CSMD1: variants seen among roughly 807,000 people sequenced by gnomAD.
CSMD1 encodes CUB and sushi domain-containing protein 1.
Under a neutral mutation model 417.5 loss-of-function variants are expected in CSMD1, and 213 were observed. The ratio of observed to expected loss-of-function variants is 0.51; its 90% CI spans 0.46 to 0.57. The LOEUF (loss-of-function observed/expected upper bound fraction) is 0.57, where lower values mean the gene tolerates loss of function less well. Ranked by LOEUF, CSMD1 falls within the 20% of genes least tolerant of loss-of-function variation. The pLI is 0.00. For missense variants in CSMD1, 6,923 were observed against 4,529.7 expected, an observed-to-expected ratio of 1.53 and a Z score of -15.17; for synonymous variants, 2,862 against 1,736.8, an observed-to-expected ratio of 1.65 and a Z score of -16.11.
At chr8:4,554,780 A>G (rs1444846683) in intron 2 of CSMD1, among the ~76,000 whole-genome samples, 1 of 152,224 alleles carries the variant, frequency 6.6e-6, no homozygotes, top group Non-Finnish European at 1.5e-5. Context: ...AGGGAAACCC[A>G]TGAGCCAGCA....
intron 1 of CSMD1, chr8:4,788,580 ATT>A: frequency 7.8e-7 from 1 of 1,288,310 alleles, no homozygotes; most frequent in South Asian, 1.6e-5. Context: ...AGAGAATGTA[ATT>A]TATAAGAAAC....
chr8:3,463,480 C>A (rs1816633139), intron 12 of CSMD1, among the ~76,000 whole-genome samples: 1 of 152,208 alleles, frequency 6.6e-6, no homozygotes, highest in Admixed American at 6.5e-5. Context: ...AAGCCACGTC[C>A]TGCAGCTTCA....
intron 1 of CSMD1, among the ~76,000 whole-genome samples, chr8:4,905,044 C>T (rs929508896): frequency 2.6e-5 from 4 of 152,120 alleles, no homozygotes; most frequent in African/African-American, 9.7e-5. Context: ...ATAGCTGGGA[C>T]CTTCTGAAGC....
chr8:3,202,965 C>G (rs1797068964), intron 31 of CSMD1, among the ~76,000 whole-genome samples: 1 of 152,154 alleles, frequency 6.6e-6, no homozygotes, highest in Non-Finnish European at 1.5e-5. Context: ...AATAATTTCT[C>G]TACAGATCTT....
rs920481933 is a variant in CSMD1, at chr8:3,347,972, T to C, written c.3474+20A>G. On this transcript the variant is annotated intron_variant, in intron 22 of 69. Transcript: ENST00000635120. ...GAGAAGAAAACTTGGAGTCATCATGTTGGAGAAGATTCTTTTTACCTTTAG... is the reference window on the plus strand; with the variant it reads ...GAGAAGAAAACTTGGAGTCATCATGCTGGAGAAGATTCTTTTTACCTTTAG... 1.3e-6 allele frequency: 2 copies of C among 1,535,296 alleles called. No individual in the cohort carries two copies. Among genetic ancestry groups the C allele is most frequent in the Non-Finnish European group, 1.8e-6 (2 of 1,142,638 alleles).
intron 1 of CSMD1, among the ~76,000 whole-genome samples, chr8:4,932,251 C>T (rs1302576931): frequency 2.4e-5 from 1 of 40,994 alleles, no homozygotes; most frequent in Non-Finnish European, 5.2e-5. Flanking sequence ...TATAACTTCT[C>T]TGGTTTTAAA....
chr8:3,400,449 T>G (rs1350522631), intron 15 of CSMD1, among the ~76,000 whole-genome samples: 1 of 152,134 alleles, frequency 6.6e-6, no homozygotes, highest in Non-Finnish European at 1.5e-5. Context: ...TTATATCATT[T>G]TAGCCATGTT....
intron 3 of CSMD1, among the ~76,000 whole-genome samples, chr8:4,244,900 A>T (rs1212679040): frequency 6.6e-6 from 1 of 152,198 alleles, no homozygotes; most frequent in Non-Finnish European, 1.5e-5. Context: ...TATAATGGAG[A>T]TAACAACATT....
intron 1 of CSMD1, among the ~76,000 whole-genome samples, chr8:4,821,892 A>G (rs1799544502): frequency 6.6e-6 from 1 of 152,154 alleles, no homozygotes; most frequent in Non-Finnish European, 1.5e-5. Flanking sequence ...CCCAGCTGTA[A>G]AATGTGTGTA....
At chr8:3,512,419 G>A (rs867584179) in intron 10 of CSMD1, among the ~76,000 whole-genome samples, 22 of 152,138 alleles carry the variant, frequency 1.4e-4, no homozygotes, top group Middle Eastern at 3.4e-3. Context: ...TTGGTGCACA[G>A]AATTTGATTT....
chr8:3,323,734 G>GGT (rs1249314860), intron 23 of CSMD1, among the ~76,000 whole-genome samples: 1 of 150,894 alleles, frequency 6.6e-6, no homozygotes, highest in Admixed American at 6.7e-5. Flanking sequence ...CAGAGACCCA[G>GGT]GAGGGAATTT....
intron 51 of CSMD1, among the ~76,000 whole-genome samples, chr8:3,024,422 C>T (rs1809700669): frequency 1.3e-5 from 2 of 152,050 alleles, no homozygotes; most frequent in African/African-American, 4.8e-5. Context: ...TCTCCTGCCT[C>T]AGCCTCCCAA....
intron 3 of CSMD1, among the ~76,000 whole-genome samples, chr8:4,033,517 C>T (rs1202951435): frequency 2.6e-5 from 4 of 152,124 alleles, no homozygotes; most frequent in African/African-American, 7.2e-5. Flanking sequence ...CCAGTTGTCC[C>T]GCCTTTCCAG....
chr8:3,648,041 C>A (rs1344164012), intron 7 of CSMD1, among the ~76,000 whole-genome samples: 2 of 152,220 alleles, frequency 1.3e-5, no homozygotes, highest in African/African-American at 4.8e-5. Context: ...TGAACCAGAT[C>A]TACCTGCATG....
intron 54 of CSMD1, among the ~76,000 whole-genome samples, chr8:2,982,007 A>G (rs909280600): frequency 3.9e-5 from 6 of 152,092 alleles, no homozygotes; most frequent in Admixed American, 2.0e-4. Context: ...TCTCTACTCT[A>G]TATACACTCC....
chr8:3,840,321 C>G (rs1192938732), intron 5 of CSMD1, among the ~76,000 whole-genome samples: 1 of 152,116 alleles, frequency 6.6e-6, no homozygotes, highest in East Asian at 1.9e-4. Context: ...ACTAGCATCT[C>G]GCTGTCCTGT....
chr8:3,868,195 T>C (rs369521414), intron 5 of CSMD1, among the ~76,000 whole-genome samples: 1 of 151,164 alleles, frequency 6.6e-6, no homozygotes, highest in African/African-American at 2.5e-5. Context: ...TGCAGTTGGA[T>C]GTACTGCGCC....
chr8:4,079,459 T>C (rs553836811), intron 3 of CSMD1, among the ~76,000 whole-genome samples: 76 of 152,364 alleles, frequency 5.0e-4, no homozygotes, highest in Non-Finnish European at 9.4e-4. Flanking sequence ...TCCATTCTTC[T>C]GAGTTCTATC....
At chr8:3,329,755 T>A (rs779719630) in intron 23 of CSMD1, among the ~76,000 whole-genome samples, 12 of 152,134 alleles carry the variant, frequency 7.9e-5, no homozygotes, top group Non-Finnish European at 1.6e-4. Context: ...GGCCATGCCA[T>A]CAGTCTGTGC....
Sources: gnomAD v4.1 joint callset for allele counts (sites outside exome capture counted in the v4.1 genomes callset) on GRCh38, gnomAD v4.1.1 for gene constraint, MANE v1.5 for transcripts, NCBI Gene and HGNC (gene_info 2026-07-23, HGNC 2026-07-21) for gene names.